LRRC4C: variants seen among roughly 807,000 people sequenced by gnomAD.
The protein encoded by LRRC4C is leucine-rich repeat-containing protein 4C.
LRRC4C carries 5 observed loss-of-function variants against 33.6 expected under a neutral mutation model. The observed-to-expected ratio is 0.15, with a 90% CI of 0.08 to 0.31. LRRC4C has a LOEUF of 0.31. LRRC4C is among the 10% of genes least tolerant of loss of function. LRRC4C has a pLI of 1.00. For synonymous variants in LRRC4C, 329 were observed against 302.0 expected (o/e 1.09, Z -0.93); for missense variants, 560 against 796.7 (o/e 0.70, Z 3.58).
At chr11:40,437,003 C>A (rs1218119295) in intron 3 of LRRC4C, among the ~76,000 whole-genome samples, 1 of 152,128 alleles carries the variant, frequency 6.6e-6, no homozygotes, top group Non-Finnish European at 1.5e-5. Context: ...CGCTCTGGAG[C>A]AGTCAGGGAT....
At chr11:41,307,987 A>T (rs1173127387) in intron 1 of LRRC4C, among the ~76,000 whole-genome samples, 1 of 152,196 alleles carries the variant, frequency 6.6e-6, no homozygotes, top group Non-Finnish European at 1.5e-5. Flanking sequence ...TTTTATAAGG[A>T]TTGCATGACC....
chr11:40,898,916 C>A (rs926082284), intron 2 of LRRC4C, among the ~76,000 whole-genome samples: 1 of 151,970 alleles, frequency 6.6e-6, no homozygotes, highest in African/African-American at 2.4e-5. Context: ...AGAAGATTCC[C>A]GAAAGAACTA....
At chr11:41,307,948 C>G (rs1246198778) in intron 1 of LRRC4C, among the ~76,000 whole-genome samples, 1 of 152,116 alleles carries the variant, frequency 6.6e-6, no homozygotes, top group African/African-American at 2.4e-5. Context: ...AGCTTTGTGT[C>G]TCCATCGCCC....
chr11:40,479,894 AT>A (rs1363024417), intron 3 of LRRC4C, among the ~76,000 whole-genome samples: 1 of 152,114 alleles, frequency 6.6e-6, no homozygotes, highest in Non-Finnish European at 1.5e-5. Context: ...GGGAAACCTT[AT>A]TTTCTGCATT....
Position 40,225,862 on chromosome 11 carries a change from G to A in LRRC4C, c.-96+15657C>T, listed in dbSNP as rs554431527. 1.4e-4 allele frequency among the ~76,000 whole-genome samples: 21 copies of A among 152,138 alleles called. No homozygotes were observed. In the South Asian group the frequency reaches 1.7e-3, roughly 12 times the overall value. ...TCGAACTCCTGACCTCAGGTGATCC[G>A]CCCGCCTCGGCCTCCCAAAGGGCTG... On this transcript the variant is annotated intron_variant, in intron 5 of 6. Coordinates refer to ENST00000528697, the MANE Select transcript of LRRC4C (RefSeq NM_001258419.2).
intron 2 of LRRC4C, among the ~76,000 whole-genome samples, chr11:40,838,204 TGTAA>T (rs1337117181): frequency 5.3e-5 from 8 of 152,182 alleles, no homozygotes; most frequent in African/African-American, 1.9e-4. Context: ...AATTTGAAAA[TGTAA>T]GTGAGAGAGA....
intron 2 of LRRC4C, among the ~76,000 whole-genome samples, chr11:40,802,725 T>C (rs1360249217): frequency 1.3e-5 from 2 of 152,120 alleles, no homozygotes; most frequent in Non-Finnish European, 2.9e-5. Context: ...GCATTATCCC[T>C]TGAAGATAAA....
At chr11:41,107,242 C>G (rs941321291) in intron 1 of LRRC4C, among the ~76,000 whole-genome samples, 4 of 151,942 alleles carry the variant, frequency 2.6e-5, no homozygotes, top group African/African-American at 9.7e-5. Flanking sequence ...TTGTGATGTT[C>G]AGCCTATATT....
At chr11:41,011,940 T>A (rs1323070559) in intron 1 of LRRC4C, among the ~76,000 whole-genome samples, 1 of 124,788 alleles carries the variant, frequency 8.0e-6, no homozygotes, top group African/African-American at 2.6e-5. Context: ...CTTTGCCTCC[T>A]GGGTTTTTTT....
intron 2 of LRRC4C, among the ~76,000 whole-genome samples, chr11:40,889,585 A>G (rs1173854123): frequency 2.6e-5 from 4 of 152,124 alleles, no homozygotes; most frequent in Non-Finnish European, 5.9e-5. Flanking sequence ...ATGCTATATA[A>G]CGTGCATTAT....
intron 2 of LRRC4C, among the ~76,000 whole-genome samples, chr11:40,831,065 T>A (rs1338078944): frequency 6.6e-6 from 1 of 152,066 alleles, no homozygotes; most frequent in Non-Finnish European, 1.5e-5. Context: ...AGGTCAGATA[T>A]CACACAGTAG....
At chr11:40,507,294 G>C (rs1327921675) in intron 3 of LRRC4C, among the ~76,000 whole-genome samples, 3 of 152,038 alleles carry the variant, frequency 2.0e-5, no homozygotes, top group African/African-American at 7.2e-5. Flanking sequence ...AAATCCGGAA[G>C]AAAAGTCTAA....
intron 3 of LRRC4C, among the ~76,000 whole-genome samples, chr11:40,373,004 G>A (rs964970941): frequency 5.3e-5 from 8 of 152,066 alleles, no homozygotes; most frequent in East Asian, 1.9e-4. Context: ...ATTTGAAAAC[G>A]GAGAATTACT....
intron 1 of LRRC4C, among the ~76,000 whole-genome samples, chr11:40,978,723 G>A (rs1447970016): frequency 1.3e-5 from 2 of 150,960 alleles, no homozygotes; most frequent in African/African-American, 4.9e-5. Context: ...CCAGGTTCAA[G>A]CGATTCTCCT....
At chr11:40,314,804 G>A (rs1397260827) in intron 4 of LRRC4C, among the ~76,000 whole-genome samples, 1 of 152,050 alleles carries the variant, frequency 6.6e-6, no homozygotes, top group Non-Finnish European at 1.5e-5. Context: ...GGAATGGAAA[G>A]TTAAATACCA....
chr11:41,243,135 T>C (rs994676295), intron 1 of LRRC4C, among the ~76,000 whole-genome samples: 2 of 152,216 alleles, frequency 1.3e-5, no homozygotes, highest in Non-Finnish European at 2.9e-5. Flanking sequence ...TAAGTATTTC[T>C]GACTCTCTTA....
intron 2 of LRRC4C, among the ~76,000 whole-genome samples, chr11:40,650,835 A>T (rs1181085384): frequency 6.6e-6 from 1 of 152,202 alleles, no homozygotes; most frequent in South Asian, 2.1e-4. Context: ...GCCCATAAGA[A>T]TCATTATGAC....
chr11:40,721,746 G>A (rs936591350), intron 2 of LRRC4C, among the ~76,000 whole-genome samples: 4 of 151,408 alleles, frequency 2.6e-5, no homozygotes, highest in African/African-American at 9.7e-5. Context: ...GTCAGGAGAT[G>A]GAGACCATCC....
chr11:40,880,853 ATG>A (rs968070257), intron 2 of LRRC4C, among the ~76,000 whole-genome samples: 30 of 78,472 alleles, frequency 3.8e-4, no homozygotes, highest in African/African-American at 1.1e-3. Flanking sequence ...TGCAAATAAA[ATG>A]TGTGTGTGTA....
Sources: allele counts gnomAD v4.1 joint callset (sites outside exome capture counted in the v4.1 genomes callset), GRCh38; gene constraint gnomAD v4.1.1; transcripts MANE v1.5; gene names NCBI Gene and HGNC (gene_info 2026-07-23, HGNC 2026-07-21).